GRID2: variants seen among roughly 807,000 people sequenced by gnomAD.
The protein encoded by GRID2 is glutamate receptor ionotropic, delta-2.
GRID2 carries 33 observed loss-of-function variants against 114.8 expected under a neutral mutation model. That is an observed-to-expected ratio of 0.29 (90% CI 0.22 to 0.38). GRID2 has a LOEUF of 0.38. Ranked by LOEUF, GRID2 falls within the 10% of genes least tolerant of loss-of-function variation. GRID2 has a pLI of 1.00. For missense variants in GRID2, 1,184 were observed against 1,257.7 expected, an observed-to-expected ratio of 0.94 and a Z score of 0.89; for synonymous variants, 505 against 449.9, an observed-to-expected ratio of 1.12 and a Z score of -1.55.
Position 93,316,291 on chromosome 4 carries a change from CGAAAGAAAGAAAGAAA to C in GRID2, c.1245+77837_1245+77852del, listed in dbSNP as rs201308452. Among the ~76,000 whole-genome samples, 164 of 77,176 alleles carry C rather than the reference CGAAAGAAAGAAAGAAA, an allele frequency of 2.1e-3. 2 individuals are homozygous for C. The highest frequency in any genetic ancestry group is 6.8e-3 in the African/African-American group (124 of 18,182). 50.6% of individuals were successfully genotyped at this position (77,176 alleles called of 152,430 possible). On this transcript the variant is annotated intron_variant, in intron 8 of 15. Coordinates refer to ENST00000282020, the MANE Select transcript of GRID2 (RefSeq NM_001510.4). ...AGAAAGAAAGAAAAGAACGAAAGAA[CGAAAGAAAGAAAGAAA>C]GAAAGAAAGAAAGAAAGAAAGAAAG...
At chr4:93,397,454 A>G (rs192675580) in intron 9 of GRID2, among the ~76,000 whole-genome samples, 1 of 152,042 alleles carries the variant, frequency 6.6e-6, no homozygotes. Context: ...AAGACGGTAT[A>G]TGTGCTTTGT....
At chr4:93,737,465 C>T (rs1225622063) in intron 14 of GRID2, among the ~76,000 whole-genome samples, 2 of 152,004 alleles carry the variant, frequency 1.3e-5, no homozygotes, top group African/African-American at 2.4e-5. Flanking sequence ...TTACTCACAC[C>T]TGTAGTTCCA....
At chr4:93,013,267 T>C (rs544315328) in intron 2 of GRID2, among the ~76,000 whole-genome samples, 10 of 152,148 alleles carry the variant, frequency 6.6e-5, no homozygotes, top group South Asian at 2.1e-4. Context: ...GATGATTATT[T>C]AAGAGTTTTA....
At chr4:93,322,135 G>A (rs1467729271) in intron 8 of GRID2, among the ~76,000 whole-genome samples, 1 of 151,354 alleles carries the variant, frequency 6.6e-6, no homozygotes, top group African/African-American at 2.4e-5. Context: ...CCATGTTGGT[G>A]TGCTGCACTC....
chr4:93,250,944 T>A (rs1435708279), intron 8 of GRID2, among the ~76,000 whole-genome samples: 2 of 151,452 alleles, frequency 1.3e-5, no homozygotes, highest in African/African-American at 4.8e-5. Flanking sequence ...TGAGGGGAGG[T>A]TATTCAAATG....
Position 92,743,699 on chromosome 4 carries a change from G to A in GRID2, c.244+153413G>A, listed in dbSNP as rs570162385. Among the ~76,000 whole-genome samples the A allele has an allele frequency of 7.9e-5, 12 of 152,230 alleles. No homozygotes were observed. The South Asian group carries it at 1.7e-3, about 21-fold the overall frequency. ...TCAGTGTCCATGTTGTACAAATGGAGGGCTGCATTTTACATAAGGTTGTAT... is the reference window on the plus strand; with the variant it reads ...TCAGTGTCCATGTTGTACAAATGGAAGGCTGCATTTTACATAAGGTTGTAT... On this transcript the variant is annotated intron_variant, in intron 2 of 15. Transcript: ENST00000282020.
chr4:93,739,390 C>A (rs1301242093), intron 14 of GRID2, among the ~76,000 whole-genome samples: 1 of 152,064 alleles, frequency 6.6e-6, no homozygotes. Flanking sequence ...TGTTTTTGCA[C>A]CCCCTCATCA....
chr4:93,741,766 A>C (rs1731439476), intron 14 of GRID2, among the ~76,000 whole-genome samples: 1 of 151,994 alleles, frequency 6.6e-6, no homozygotes, highest in Non-Finnish European at 1.5e-5. Flanking sequence ...ACTACTAAAA[A>C]TACAAAAATT....
chr4:93,685,074 T>G (rs2110101984), intron 14 of GRID2, among the ~76,000 whole-genome samples: 1 of 152,124 alleles, frequency 6.6e-6, no homozygotes, highest in African/African-American at 2.4e-5. Context: ...AGTTTATGGC[T>G]TGATAAAAAG....
At chr4:92,829,356 T>C (rs768111900) in intron 2 of GRID2, among the ~76,000 whole-genome samples, 7 of 152,118 alleles carry the variant, frequency 4.6e-5, no homozygotes, top group Non-Finnish European at 8.8e-5. Flanking sequence ...TCACTGGTCA[T>C]TGGAGAAATG....
intron 13 of GRID2, among the ~76,000 whole-genome samples, chr4:93,560,585 G>A (rs1186115800): frequency 6.6e-6 from 1 of 152,104 alleles, no homozygotes; most frequent in Non-Finnish European, 1.5e-5. Context: ...AAACACTGGG[G>A]ATAATATTTT....
rs62307948 is a variant in GRID2, at chr4:92,627,189, C to A, written c.244+36903C>A. 2.6e-5 allele frequency among the ~76,000 whole-genome samples: 4 copies of A among 151,904 alleles called. 1 individual carries two copies. The highest frequency in any genetic ancestry group is 1.3e-4 in the Admixed American group (2 of 15,236). On this transcript the variant is annotated intron_variant, in intron 2 of 15. Transcript: ENST00000282020. Reference sequence around the variant, plus strand: ...CAAGGACCTAGAGATCTATAGTATACGTATGGAATGGGCAACAAACAGTAT... The same window carrying A: ...CAAGGACCTAGAGATCTATAGTATAAGTATGGAATGGGCAACAAACAGTAT...
At chr4:92,739,285 T>G (rs1296012339) in intron 2 of GRID2, among the ~76,000 whole-genome samples, 2 of 152,192 alleles carry the variant, frequency 1.3e-5, no homozygotes, top group Non-Finnish European at 2.9e-5. Flanking sequence ...AAACTTAAAT[T>G]ATTCTAAGGA....
chr4:93,371,173 T>A (rs188189642), intron 8 of GRID2, among the ~76,000 whole-genome samples: 22 of 152,308 alleles, frequency 1.4e-4, no homozygotes, highest in African/African-American at 5.1e-4. Context: ...AAGGAAATCA[T>A]ATTTGTTGAG....
intron 2 of GRID2, among the ~76,000 whole-genome samples, chr4:92,814,411 A>G (rs1362304097): frequency 1.3e-5 from 2 of 152,248 alleles, no homozygotes; most frequent in East Asian, 3.9e-4. Flanking sequence ...GAGGTACCCA[A>G]AAAGAACCTC....
chr4:92,683,369 T>G, intron 2 of GRID2, among the ~76,000 whole-genome samples: 1 of 152,062 alleles, frequency 6.6e-6, no homozygotes, highest in East Asian at 1.9e-4. Context: ...AATCAACAAA[T>G]ATGAGCATAT....
intron 2 of GRID2, among the ~76,000 whole-genome samples, chr4:92,618,030 CTTGT>C (rs1192554680): frequency 6.6e-6 from 1 of 151,588 alleles, no homozygotes; most frequent in Non-Finnish European, 1.5e-5. Context: ...CATAATCTCA[CTTGT>C]TTATTTTTGT....
intron 7 of GRID2, among the ~76,000 whole-genome samples, chr4:93,238,066 A>G (rs1747012860): frequency 6.6e-6 from 1 of 151,702 alleles, no homozygotes; most frequent in South Asian, 2.1e-4. Flanking sequence ...GGTGGCAAAA[A>G]CTTGAGCCTG....
chr4:92,722,221 A>G (rs1389399925), intron 2 of GRID2, among the ~76,000 whole-genome samples: 1 of 152,172 alleles, frequency 6.6e-6, no homozygotes, highest in South Asian at 2.1e-4. Context: ...GAAGAATGCC[A>G]CTGAAAGCAT....
Sources: allele counts gnomAD v4.1 joint callset (sites outside exome capture counted in the v4.1 genomes callset), GRCh38; gene constraint gnomAD v4.1.1; transcripts MANE v1.5; gene names NCBI Gene and HGNC (gene_info 2026-07-23, HGNC 2026-07-21).